Variants in AGBL1 observed in about 807,000 individuals in gnomAD.
AGBL1 encodes the protein AGBL carboxypeptidase 1, also known as cytosolic carboxypeptidase 4.
A neutral mutation model predicts 118.9 loss-of-function variants in AGBL1; 130 were observed. The ratio of observed to expected loss-of-function variants is 1.09; its 90% CI spans 0.95 to 1.26. AGBL1 has a LOEUF of 1.26. Among genes scored for constraint, AGBL1 ranks in the 50% most tolerant of loss-of-function variants. The pLI is 0.00. For synonymous variants in AGBL1, 555 were observed against 478.9 expected (o/e 1.16, Z -2.08); for missense variants, 1,584 against 1,298.1 (o/e 1.22, Z -3.38).
chr15:86,427,317 T>C (rs2081878915), intron 18 of AGBL1, among the ~76,000 whole-genome samples: 2 of 152,168 alleles, frequency 1.3e-5, no homozygotes, highest in Non-Finnish European at 2.9e-5. Flanking sequence ...AAACAGAAAT[T>C]GCATAAGGAT....
At chr15:86,338,031 T>C (rs374458582) in intron 17 of AGBL1, among the ~76,000 whole-genome samples, 6 of 151,558 alleles carry the variant, frequency 4.0e-5, no homozygotes, top group African/African-American at 1.2e-4. Context: ...GCCCTTTGAG[T>C]TTGCAATCTA....
chr15:86,429,996 C>G (rs1353516294), intron 18 of AGBL1, among the ~76,000 whole-genome samples: 1 of 152,156 alleles, frequency 6.6e-6, no homozygotes, highest in African/African-American at 2.4e-5. Flanking sequence ...TATTTCAATT[C>G]CAACATTTTA....
chr15:86,976,763 AAG>A (rs1386448755), intron 23 of AGBL1, among the ~76,000 whole-genome samples: 10 of 151,982 alleles, frequency 6.6e-5, no homozygotes, highest in Non-Finnish European at 1.0e-4. Context: ...TTATTACAAA[AAG>A]AGTGGAATTT....
intron 1 of AGBL1, among the ~76,000 whole-genome samples, chr15:86,126,809 T>C (rs1221527466): frequency 6.6e-6 from 1 of 152,224 alleles, no homozygotes; most frequent in Admixed American, 6.5e-5. Flanking sequence ...GTGGTTATAA[T>C]TGATACACCA....
intron 19 of AGBL1, among the ~76,000 whole-genome samples, chr15:86,526,544 G>GTGTATATATATATATATA (rs754816154): frequency 8.4e-6 from 1 of 119,438 alleles, no homozygotes; most frequent in African/African-American, 3.3e-5. Flanking sequence ...TTGTGTCTGT[G>GTGTATATATATATATATA]TATATATATA....
Position 86,401,060 on chromosome 15 carries a change from G to A in AGBL1, c.2555+3514G>A, listed in dbSNP as rs910184110. Among the ~76,000 whole-genome samples the A allele has an allele frequency of 5.3e-5, 8 of 152,028 alleles. No individual in the cohort carries two copies. The South Asian group carries it at 6.2e-4, about 12-fold the overall frequency. On this transcript the variant is annotated intron_variant, in intron 18 of 22. Transcript: ENST00000614907. ...ATACTGTTCTTCATAGTGATTGTAC[G>A]AGCTTACATTCCCACCAGCAGTGTA...
At chr15:86,967,093 T>C (rs1248564059) in intron 23 of AGBL1, among the ~76,000 whole-genome samples, 1 of 152,218 alleles carries the variant, frequency 6.6e-6, no homozygotes, top group East Asian at 1.9e-4. Flanking sequence ...TGAACATTTT[T>C]TCATGTGTCT....
At chr15:86,723,873 G>C (rs778699156) in intron 22 of AGBL1, among the ~76,000 whole-genome samples, 1 of 152,076 alleles carries the variant, frequency 6.6e-6, no homozygotes, top group Non-Finnish European at 1.5e-5. Context: ...GGGAATTGTT[G>C]GAGTCAAAGT....
At chr15:86,906,778 C>A (rs1432922926) in intron 22 of AGBL1, among the ~76,000 whole-genome samples, 2 of 152,064 alleles carry the variant, frequency 1.3e-5, no homozygotes, top group African/African-American at 4.8e-5. Flanking sequence ...ACTCTGCTGG[C>A]AAAGGAAGAA....
intron 23 of AGBL1, among the ~76,000 whole-genome samples, chr15:86,980,391 G>A (rs2081219907): frequency 6.6e-6 from 1 of 152,208 alleles, no homozygotes. Context: ...AGCATTGGCT[G>A]CTGTGTATAT....
At chr15:86,256,289 A>G (rs979155261) in intron 7 of AGBL1, among the ~76,000 whole-genome samples, 4 of 152,284 alleles carry the variant, frequency 2.6e-5, no homozygotes, top group East Asian at 3.9e-4. Flanking sequence ...AAGAGGGATC[A>G]ACACTGTGGG....
intron 7 of AGBL1, among the ~76,000 whole-genome samples, chr15:86,256,003 G>A (rs1386621619): frequency 3.3e-5 from 5 of 152,138 alleles, no homozygotes; most frequent in African/African-American, 7.2e-5. Context: ...ATTGGCCTCA[G>A]AGCTTTCTGC....
At chr15:87,009,893 C>A (rs772473104) in intron 24 of AGBL1, among the ~76,000 whole-genome samples, 6 of 152,234 alleles carry the variant, frequency 3.9e-5, no homozygotes, top group East Asian at 1.9e-4. Flanking sequence ...AATGCCTACA[C>A]CCCTATTTTA....
chr15:87,016,093 G>A (rs919029570), intron 24 of AGBL1, among the ~76,000 whole-genome samples: 2 of 152,186 alleles, frequency 1.3e-5, no homozygotes, highest in Non-Finnish European at 2.9e-5. Flanking sequence ...CATCCTAGCT[G>A]AATGCTAGTT....
intron 5 of AGBL1, among the ~76,000 whole-genome samples, chr15:86,208,519 G>A (rs1324046031): frequency 1.3e-5 from 2 of 152,174 alleles, no homozygotes; most frequent in Admixed American, 1.3e-4. Flanking sequence ...TCTATTCAGA[G>A]ATTCAGCTTC....
At chr15:86,302,593 A>G (rs912391232) in intron 17 of AGBL1, among the ~76,000 whole-genome samples, 2 of 152,014 alleles carry the variant, frequency 1.3e-5, no homozygotes, top group Admixed American at 6.6e-5. Context: ...CCTAGCCAAC[A>G]TGGTGAAACC....
At chr15:86,950,096 C>A (rs1444391914) in intron 23 of AGBL1, among the ~76,000 whole-genome samples, 1 of 151,408 alleles carries the variant, frequency 6.6e-6, no homozygotes, top group Non-Finnish European at 1.5e-5. Flanking sequence ...ACTAAAAGAC[C>A]AAAAAATGCC....
chr15:86,669,556 T>C lies in AGBL1; in HGVS notation c.2995-4717T>C, dbSNP rs138024697. On this transcript the variant is annotated intron_variant, in intron 21 of 22. Transcript: ENST00000614907. ...GAATTATTGAAAAATACTAATTATC[T>C]TGTCAATAAATTCTAAATAAAAGAA... 6.7e-3 allele frequency among the ~76,000 whole-genome samples: 1,021 copies of C among 152,260 alleles called. 8 individuals carry two copies. Among genetic ancestry groups the C allele is most frequent in the East Asian group, 0.021 (108 of 5,192 alleles).
intron 23 of AGBL1, among the ~76,000 whole-genome samples, chr15:86,944,815 A>C (rs1173139540): frequency 2.0e-5 from 3 of 152,184 alleles, no homozygotes; most frequent in Admixed American, 6.5e-5. Context: ...CTTAAGGGCA[A>C]TAAGTAAGAA....
Sources: allele counts gnomAD v4.1 joint callset (sites outside exome capture counted in the v4.1 genomes callset), GRCh38; gene constraint gnomAD v4.1.1; transcripts MANE v1.5; gene names NCBI Gene and HGNC (gene_info 2026-07-23, HGNC 2026-07-21).